SARAF: variants seen among roughly 807,000 people sequenced by gnomAD.
SARAF encodes store-operated calcium entry-associated regulatory factor.
Under a neutral mutation model 39.7 loss-of-function variants are expected in SARAF, and 23 were observed. The observed-to-expected ratio is 0.58, with a 90% CI of 0.42 to 0.82. The LOEUF (loss-of-function observed/expected upper bound fraction) is 0.82. Ranked by LOEUF, SARAF falls within the 40% of genes least tolerant of loss-of-function variation. The pLI is 0.00. For missense variants in SARAF, 384 were observed against 418.5 expected (o/e 0.92, Z 0.72); for synonymous variants, 175 against 168.5 (o/e 1.04, Z -0.30).
Position 30,063,826 on chromosome 8 carries a change from A to G in SARAF, c.*62T>C, listed in dbSNP as rs1801610553. 1 of 1,444,038 alleles carries G rather than the reference A, an allele frequency of 6.9e-7. No individual in the cohort carries two copies. The highest frequency in any genetic ancestry group is 9.7e-7 in the Non-Finnish European group (1 of 1,026,404). 89.5% of individuals were successfully genotyped at this position (1,444,038 alleles called of 1,614,324 possible). A position where few individuals can be genotyped will look rare whatever the true frequency, so the allele number is the denominator to read the frequency against. On this transcript the variant is annotated 3_prime_UTR_variant, in exon 6 of 6. Transcript: ENST00000256255. ...TGTTAACAGGTAGTACTTTTTTTCT[A>G]AAGAGAAAGTGATGAAAAATCCAAA...
intron 3 of SARAF, among the ~76,000 whole-genome samples, chr8:30,068,158 A>G (rs1437239333): frequency 2.0e-5 from 3 of 152,142 alleles, no homozygotes; most frequent in Admixed American, 6.5e-5. Flanking sequence ...CCTGTTAGGA[A>G]CTGAGCCACA....
chr8:30,066,646 C>G (rs1801699140), intron 4 of SARAF, 131 bp downstream of exon 4: 2 of 1,139,506 alleles, frequency 1.8e-6, no homozygotes, highest in African/African-American at 1.6e-5. Context: ...TTCCCCCTTC[C>G]CAGAGAATCT....
chr8:30,065,746 T>C, intron 5 of SARAF: 2 of 475,626 alleles, frequency 4.2e-6, no homozygotes, highest in Non-Finnish European at 7.7e-6. Context: ...ATGGGGAAGC[T>C]AGCACCCAGT....
At position 30,082,874 on chromosome 8, in the gene SARAF, C is replaced by T; in HGVS notation, c.76G>A (p.Gly26Ser). The T allele has an allele frequency of 6.4e-7, 1 of 1,556,828 alleles. No individual in the cohort carries two copies. The highest frequency in any genetic ancestry group is 8.7e-7 in the Non-Finnish European group (1 of 1,152,844). The stretch of plus-strand genomic sequence containing the variant: ...GGGTCGTTCCAGCCCAGGGCAGGGC[C>T]CGCGGTCAGCAGAAACAAATGCAAG... ...LGLHLFLLTA[G>S]PALGWNDPDR... The change falls in exon 1 of 6, where the codon GGC (glycine) becomes AGC (serine). Residue 26 changes from glycine to serine, a missense_variant. Physicochemically the swap from Gly to Ser is moderately conservative, Grantham distance 56. Transcript: ENST00000256255.
Position 30,069,689 on chromosome 8 carries a change from G to C in SARAF, c.653C>G (p.Thr218Ser). Residue 218 changes from threonine to serine, a missense_variant, in exon 3 of 6, where the codon ACC becomes AGC. Thr to Ser is a moderately conservative substitution (Grantham distance 58). Coordinates refer to ENST00000256255, the MANE Select transcript of SARAF (RefSeq NM_016127.6). ...TGGGGGAGGAGGTCCTGCTGAGTTG[G>C]TGAATCTCTGGTAACGGTGGGAAAA... ...PPFSHRYQRF[T>S]NSAGPPPPGF... The C allele has an allele frequency of 6.2e-7, 1 of 1,614,152 alleles. No individual in the cohort carries two copies. Among genetic ancestry groups the C allele is most frequent in the Non-Finnish European group, 8.5e-7 (1 of 1,180,034 alleles).
chr8:30,065,817 A>G, intron 5 of SARAF, 171 bp downstream of exon 5: 1 of 769,422 alleles, frequency 1.3e-6, no homozygotes, highest in Non-Finnish European at 2.1e-6. Context: ...TCCCTGTTTG[A>G]TTTTTAAAGA....
chr8:30,072,557 T>C (rs1222468318), intron 2 of SARAF, among the ~76,000 whole-genome samples: 1 of 152,264 alleles, frequency 6.6e-6, no homozygotes, highest in African/African-American at 2.4e-5. Flanking sequence ...TGTATTGGTA[T>C]TTCATGTTAA....
intron 1 of SARAF, among the ~76,000 whole-genome samples, chr8:30,074,476 T>G (rs34579332): frequency 6.6e-6 from 1 of 152,186 alleles, no homozygotes; most frequent in Non-Finnish European, 1.5e-5. Flanking sequence ...CCTATTACAG[T>G]GGAATATTAC....
intron 1 of SARAF, chr8:30,082,254 CTT>C (rs1802118961): frequency 6.6e-6 from 1 of 152,302 alleles, no homozygotes; most frequent in Non-Finnish European, 1.5e-5. Flanking sequence ...AGGAGAATCT[CTT>C]GAACCCAGGA....
intron 2 of SARAF, among the ~76,000 whole-genome samples, chr8:30,071,474 C>A (rs6983417): frequency 6.6e-6 from 1 of 152,148 alleles, no homozygotes; most frequent in Non-Finnish European, 1.5e-5. Flanking sequence ...TTTATAATAG[C>A]CTTATTGAAA....
chr8:30,078,087 C>G (rs1802009718), intron 1 of SARAF: 3 of 249,200 alleles, frequency 1.2e-5, no homozygotes, highest in Non-Finnish European at 2.3e-5. Flanking sequence ...TTGCAGCGAG[C>G]CGAGATGGTG....
chr8:30,080,753 T>C (rs867521403), intron 1 of SARAF, among the ~76,000 whole-genome samples: 2 of 152,248 alleles, frequency 1.3e-5, no homozygotes, highest in African/African-American at 4.8e-5. Context: ...AGTAATGGCA[T>C]CCAAGTCAAA....
rs766650597 is a variant in SARAF at position 30,073,905 on chromosome 8, T to C, written c.254A>G (p.Asn85Ser). The change falls in exon 2 of 6, where the codon AAC (asparagine) becomes AGC (serine). Residue 85 changes from asparagine (N) to serine (S), a missense_variant. Coordinates refer to ENST00000256255, the MANE Select transcript of SARAF (RefSeq NM_016127.6). ...SYTPKVIQCQ[N>S]KGWDGYDVQW... ...TACATCATACCCATCCCAGCCTTTG[T>C]TCTGACACTGTATGACTTTTGGGGT... 3.1e-6 allele frequency: 5 copies of C among 1,614,090 alleles called. No individual in the cohort carries two copies. The highest frequency in any genetic ancestry group is 4.2e-6 in the Non-Finnish European group (5 of 1,180,038).
chr8:30,079,034 G>C (rs558025318), intron 1 of SARAF, among the ~76,000 whole-genome samples: 4 of 151,786 alleles, frequency 2.6e-5, no homozygotes, highest in African/African-American at 9.7e-5. Flanking sequence ...GCATACGCCC[G>C]TAGTCCCAGC....
In SARAF at chr8:30,082,566, G is replaced by A. The variant is rs143354047; in HGVS notation, c.103+281C>T. On this transcript the variant is annotated intron_variant, in intron 1 of 5. Coordinates refer to ENST00000256255, the MANE Select transcript of SARAF (RefSeq NM_016127.6). ...AGTTATACTCAGAGATGAGAAAGACGACAATGGGCAAATTCCGGGAGTCCG... is the reference window on the plus strand; with the variant it reads ...AGTTATACTCAGAGATGAGAAAGACAACAATGGGCAAATTCCGGGAGTCCG... The A allele has an allele frequency of 5.6e-4, 200 of 358,246 alleles. 3 individuals are homozygous for A. The highest frequency in any genetic ancestry group is 3.6e-3 in the East Asian group (75 of 20,858). 22.2% of individuals were successfully genotyped at this position (358,246 alleles called of 1,614,324 possible).
At chr8:30,075,658 GA>G (rs1219285942) in intron 1 of SARAF, among the ~76,000 whole-genome samples, 1 of 152,122 alleles carries the variant, frequency 6.6e-6, no homozygotes, top group Admixed American at 6.5e-5. Context: ...CATGAAGCTT[GA>G]CATGAACAAT....
upstream of SARAF, chr8:30,083,068 C>T (rs530952846): frequency 2.0e-4 from 135 of 670,956 alleles, no homozygotes; most frequent in Middle Eastern, 8.3e-4. Flanking sequence ...AGGAACGGCC[C>T]GACTGCAGAG....
In SARAF at chr8:30,063,119, T is replaced by G. The variant is rs1801596250; in HGVS notation, c.*769A>C. On this transcript the variant is annotated 3_prime_UTR_variant, in exon 6 of 6. Coordinates refer to ENST00000256255, the MANE Select transcript of SARAF (RefSeq NM_016127.6). ...AAACCCCTTGTTTGTTTTTATTGAT[T>G]CTTTTTAAGATTGAAACAGACTATT... 2 of 152,364 alleles carry G rather than the reference T, an allele frequency of 1.3e-5. No individual in the cohort carries two copies. The highest frequency in any genetic ancestry group is 2.4e-5 in the African/African-American group (1 of 41,580). 9.4% of individuals were successfully genotyped at this position (152,364 alleles called of 1,614,324 possible).
In SARAF at chr8:30,069,817, T is replaced by G. The variant is rs1298289219; in HGVS notation, c.525A>C (p.Gly175=). ...CAAGGAGTACCACAATGGTAATCAATCCACTCATGTTACAGGAATCCGCCG... is the reference window on the plus strand; with the variant it reads ...CAAGGAGTACCACAATGGTAATCAAGCCACTCATGTTACAGGAATCCGCCG... ...WSSADSCNMS[G]LITIVVLLGI... The change falls in exon 3 of 6, where the codon GGA becomes GGC. Residue 175 remains glycine (G), a synonymous_variant. Transcript: ENST00000256255. 6.2e-7 allele frequency: 1 copy of G among 1,613,990 alleles called. No homozygotes were observed. The highest frequency in any genetic ancestry group is 8.5e-7 in the Non-Finnish European group (1 of 1,180,010).
Sources: allele counts gnomAD v4.1 joint callset (sites outside exome capture counted in the v4.1 genomes callset), GRCh38; gene constraint gnomAD v4.1.1; transcripts MANE v1.5; gene names NCBI Gene and HGNC (gene_info 2026-07-23, HGNC 2026-07-21).